The following CACNB2 variants were observed in gnomAD, a reference collection of about 807,000 sequenced individuals.
The protein encoded by CACNB2 is calcium voltage-gated channel auxiliary subunit beta 2.
CACNB2 carries 42 observed loss-of-function variants against 73.3 expected under a neutral mutation model. The ratio of observed to expected loss-of-function variants is 0.57; its 90% CI spans 0.45 to 0.74. The LOEUF is 0.74. CACNB2 is among the 30% of genes least tolerant of loss of function. The probability of loss-of-function intolerance (pLI) is 0.00; values close to 1 mark genes in which losing one functional copy is unlikely to be tolerated. For missense variants in CACNB2, 940 were observed against 853.0 expected (o/e 1.10, Z -1.27); for synonymous variants, 348 against 310.3 (o/e 1.12, Z -1.28).
intron 2 of CACNB2, among the ~76,000 whole-genome samples, chr10:18,330,435 G>C (rs1279685170): frequency 6.6e-6 from 1 of 152,056 alleles, no homozygotes; most frequent in South Asian, 2.1e-4. Context: ...AGGAACACTC[G>C]AGCCTAGGAG....
intron 2 of CACNB2, among the ~76,000 whole-genome samples, chr10:18,229,311 C>A (rs2036136850): frequency 6.6e-6 from 1 of 152,008 alleles, no homozygotes; most frequent in Admixed American, 6.5e-5. Context: ...TCGTTATTCC[C>A]ATATTGAGGG....
chr10:18,503,537 A>C (rs890277978), intron 5 of CACNB2, among the ~76,000 whole-genome samples: 1 of 152,212 alleles, frequency 6.6e-6, no homozygotes, highest in Admixed American at 6.6e-5. Flanking sequence ...CGGAGGTTGC[A>C]GTGAGCCGAG....
At chr10:18,357,262 G>A (rs1033044020) in intron 2 of CACNB2, among the ~76,000 whole-genome samples, 4 of 152,120 alleles carry the variant, frequency 2.6e-5, no homozygotes, top group African/African-American at 9.7e-5. Flanking sequence ...TCTTTTACCT[G>A]TATTTCAGCA....
intron 2 of CACNB2, among the ~76,000 whole-genome samples, chr10:18,380,582 G>A (rs571056400): frequency 6.0e-5 from 9 of 149,852 alleles, no homozygotes; most frequent in Non-Finnish European, 7.4e-5. Flanking sequence ...AGCCTCCCCA[G>A]TAGCTGAGAC....
intron 2 of CACNB2, among the ~76,000 whole-genome samples, chr10:18,300,741 C>T (rs538590390): frequency 2.0e-5 from 3 of 152,142 alleles, no homozygotes; most frequent in East Asian, 1.9e-4. Context: ...CCCAGCTACT[C>T]GGGAGGCTGA....
intron 2 of CACNB2, among the ~76,000 whole-genome samples, chr10:18,199,992 G>GTGTGT (rs2034809081): frequency 1.0e-5 from 1 of 96,952 alleles, no homozygotes; most frequent in Non-Finnish European, 2.3e-5. Flanking sequence ...TGTCTGTATT[G>GTGTGT]TTGTAAACAA....
intron 2 of CACNB2, among the ~76,000 whole-genome samples, chr10:18,201,232 T>C (rs2034864872): frequency 6.6e-6 from 1 of 152,134 alleles, no homozygotes; most frequent in Non-Finnish European, 1.5e-5. Context: ...ACAGTAGTCC[T>C]GATCGATTTC....
intron 2 of CACNB2, among the ~76,000 whole-genome samples, chr10:18,355,389 T>A (rs543293172): frequency 2.6e-5 from 4 of 152,306 alleles, no homozygotes; most frequent in African/African-American, 9.6e-5. Flanking sequence ...TATCGTCGTT[T>A]TTTTAAAAAT....
chr10:18,331,714 A>T (rs1043990592), intron 2 of CACNB2, among the ~76,000 whole-genome samples: 1 of 152,274 alleles, frequency 6.6e-6, no homozygotes, highest in Non-Finnish European at 1.5e-5. Context: ...TCAGAGTCTC[A>T]GGCCTATCAA....
intron 2 of CACNB2, among the ~76,000 whole-genome samples, chr10:18,382,197 A>G (rs1281595309): frequency 6.6e-6 from 1 of 151,922 alleles, no homozygotes; most frequent in Non-Finnish European, 1.5e-5. Flanking sequence ...CTTGCTCAGA[A>G]TGGATCTTGT....
rs188709943 is a variant in CACNB2 at position 18,521,613 on chromosome 10, C to A, written c.944+2645C>A. 4.8e-4 allele frequency among the ~76,000 whole-genome samples: 73 copies of A among 152,222 alleles called. 1 individual carries two copies. Among genetic ancestry groups the A allele is most frequent in the African/African-American group, 1.7e-3 (72 of 41,532 alleles). The stretch of plus-strand genomic sequence containing the variant: ...TGTGAGGAGCAAAAATAGACAAGGG[C>A]CTTGGCTTTGTGGGGCTTAAAGTCT... On this transcript the variant is annotated intron_variant, in intron 9 of 13. Transcript: ENST00000324631.
chr10:18,500,336 C>T (rs865873488), intron 4 of CACNB2, among the ~76,000 whole-genome samples: 10 of 152,180 alleles, frequency 6.6e-5, no homozygotes, highest in African/African-American at 2.2e-4. Context: ...GTGAACATCG[C>T]ATTGTATATT....
intron 3 of CACNB2, among the ~76,000 whole-genome samples, chr10:18,433,028 G>C (rs10828689): frequency 0.42 from 63,756 of 151,606 alleles, 14,048 homozygotes; most frequent in Middle Eastern, 0.48. Flanking sequence ...TGGGCTTCCT[G>C]TTTCTGTGTT....
At chr10:18,303,461 C>T (rs764017015) in intron 2 of CACNB2, among the ~76,000 whole-genome samples, 7 of 152,032 alleles carry the variant, frequency 4.6e-5, no homozygotes, top group South Asian at 2.1e-4. Context: ...GCCATGATCA[C>T]GCCACTGCAA....
intron 3 of CACNB2, among the ~76,000 whole-genome samples, chr10:18,481,253 T>G (rs1295435959): frequency 1.0e-5 from 1 of 97,066 alleles, no homozygotes; most frequent in African/African-American, 4.2e-5. Context: ...TTTTTTTTTT[T>G]TTTTTTTTTT....
chr10:18,529,957 T>G lies in CACNB2; in HGVS notation c.1054+2260T>G, dbSNP rs550146397. ...GGCTAGTGAGGCCTCACAATCATGG[T>G]AGACAGTGAAGGAGGAGCAAAGTCA... On this transcript the variant is annotated intron_variant, in intron 10 of 13. Transcript: ENST00000324631. Among the ~76,000 whole-genome samples the G allele has an allele frequency of 8.4e-4, 128 of 152,294 alleles. 2 individuals carry two copies. The highest frequency in any genetic ancestry group is 2.9e-3 in the African/African-American group (120 of 41,566).
rs573925191 is a variant in CACNB2 at position 18,192,472 on chromosome 10, C to G, written c.213+41497C>G. Among the ~76,000 whole-genome samples the G allele has an allele frequency of 2.6e-5, 4 of 152,260 alleles. No individual in the cohort carries two copies. In the East Asian group the frequency reaches 5.8e-4, roughly 22 times the overall value. On this transcript the variant is annotated intron_variant, in intron 2 of 13. Transcript: ENST00000324631. ...AAGTGATCCTCCTGCCTTAGCCTCA[C>G]AAAGCACTGGTATTACAGGTATGAG...
intron 2 of CACNB2, among the ~76,000 whole-genome samples, chr10:18,189,787 A>G (rs2034314915): frequency 1.3e-5 from 2 of 152,202 alleles, no homozygotes; most frequent in South Asian, 4.1e-4. Flanking sequence ...TTTTCCTCCT[A>G]GAACACTGGA....
Position 18,539,323 on chromosome 10 carries a change from T to C in CACNB2, c.1582T>C (p.Ser528Pro), listed in dbSNP as rs777178427. The part of the protein sequence containing the change: ...EEPSVEPVKK[S>P]QHRSSSSAPH... The stretch of plus-strand genomic sequence containing the variant: ...ACCTAGTGTGGAACCAGTCAAGAAA[T>C]CCCAGCACCGCTCTTCCTCCTCAGC... Residue 528 changes from serine (S) to proline (P), a missense_variant, in exon 14 of 14, where the codon TCC becomes CCC. By Grantham distance (74) the Ser-to-Pro change is moderately conservative. Coordinates refer to ENST00000324631, the MANE Select transcript of CACNB2 (RefSeq NM_201596.3). 2 of 1,613,696 alleles carry C rather than the reference T, an allele frequency of 1.2e-6. No individual in the cohort carries two copies. The highest frequency in any genetic ancestry group is 1.7e-5 in the Admixed American group (1 of 59,950).
Sources: gnomAD v4.1 joint callset for allele counts (sites outside exome capture counted in the v4.1 genomes callset) on GRCh38, gnomAD v4.1.1 for gene constraint, MANE v1.5 for transcripts, NCBI Gene and HGNC (gene_info 2026-07-23, HGNC 2026-07-21) for gene names.